Variants in SLIT2 observed in about 807,000 individuals in gnomAD.
SLIT2 encodes slit homolog 2 protein.
Under a neutral mutation model 185.7 loss-of-function variants are expected in SLIT2, and 41 were observed. The ratio of observed to expected loss-of-function variants is 0.22; its 90% CI spans 0.17 to 0.29. SLIT2 has a LOEUF of 0.29. SLIT2 is among the 10% of genes least tolerant of loss of function. The pLI is 1.00. For synonymous variants in SLIT2, 693 were observed against 680.2 expected (o/e 1.02, Z -0.29); for missense variants, 1,571 against 1,909.0 (o/e 0.82, Z 3.30).
At chr4:20,539,382 AG>A (rs35993588) in intron 18 of SLIT2, 58 bp from the exon 19 acceptor site, 454,386 of 1,521,694 alleles carry the variant, frequency 0.3, 69,378 homozygotes, top group Middle Eastern at 0.39. Flanking sequence ...ATCCTCAGAT[AG>A]GCAAAATTGA....
intron 29 of SLIT2, among the ~76,000 whole-genome samples, chr4:20,579,942 T>C (rs1320796070): frequency 1.4e-5 from 2 of 147,170 alleles, no homozygotes; most frequent in Admixed American, 6.9e-5. Context: ...ACAGGAAATG[T>C]AAATCAACTC....
At chr4:20,284,800 ATT>A (rs1221691106) in intron 4 of SLIT2, among the ~76,000 whole-genome samples, 2 of 152,204 alleles carry the variant, frequency 1.3e-5, no homozygotes, top group African/African-American at 2.4e-5. Flanking sequence ...TGTGTGAGAG[ATT>A]TTGTTTTGCT....
intron 4 of SLIT2, among the ~76,000 whole-genome samples, chr4:20,335,947 G>A (rs1471341191): frequency 6.6e-6 from 1 of 152,054 alleles, no homozygotes; most frequent in Non-Finnish European, 1.5e-5. Context: ...AATGACAACT[G>A]ATAGATGTAG....
intron 5 of SLIT2, among the ~76,000 whole-genome samples, chr4:20,475,015 A>G (rs1053215658): frequency 6.6e-6 from 1 of 151,184 alleles, no homozygotes; most frequent in African/African-American, 2.4e-5. Flanking sequence ...GGAATTACAG[A>G]CTCTTTCCTG....
intron 7 of SLIT2, among the ~76,000 whole-genome samples, chr4:20,486,731 ATCTT>A (rs1228758881): frequency 1.3e-5 from 2 of 152,162 alleles, no homozygotes; most frequent in Non-Finnish European, 2.9e-5. Context: ...ATTTAAAAAT[ATCTT>A]TCTGGGTTAC....
intron 4 of SLIT2, among the ~76,000 whole-genome samples, chr4:20,450,993 A>G (rs1374625712): frequency 1.3e-5 from 2 of 152,216 alleles, no homozygotes; most frequent in African/African-American, 2.4e-5. Flanking sequence ...ATGCAAATTC[A>G]GTCAAAGCAG....
intron 4 of SLIT2, among the ~76,000 whole-genome samples, chr4:20,464,733 G>A (rs983879108): frequency 2.0e-5 from 3 of 152,076 alleles, no homozygotes; most frequent in Non-Finnish European, 4.4e-5. Flanking sequence ...TCCATTCCCT[G>A]ATTTTTGCCG....
chr4:20,545,839 G>A (rs1460391699), intron 21 of SLIT2, among the ~76,000 whole-genome samples, 192 bp from the exon 22 acceptor site: 1 of 151,740 alleles, frequency 6.6e-6, no homozygotes, highest in Non-Finnish European at 1.5e-5. Context: ...CAAAGAACTG[G>A]ACTCGTGGAC....
intron 4 of SLIT2, among the ~76,000 whole-genome samples, chr4:20,291,478 ATATATATATATATATTTTTTTTTT>A (rs1387006780): frequency 1.0e-3 from 16 of 15,938 alleles, no homozygotes; most frequent in African/African-American, 3.9e-3. Context: ...ATATATATAT[ATATATATATATATATTTTTTTTTT>A]TTTTTTTTTT....
chr4:20,335,288 G>A (rs1040774461), intron 4 of SLIT2, among the ~76,000 whole-genome samples: 2 of 152,066 alleles, frequency 1.3e-5, no homozygotes, highest in African/African-American at 2.4e-5. Context: ...GGAGCTGCAG[G>A]GTGAAGCCAA....
intron 32 of SLIT2, among the ~76,000 whole-genome samples, chr4:20,596,962 G>C (rs958471367): frequency 1.3e-5 from 2 of 151,952 alleles, no homozygotes; most frequent in East Asian, 3.9e-4. Context: ...CTGCAGTTCA[G>C]CCTCTGCATG....
At chr4:20,463,448 G>GATAGATATATATAT (rs1459962322) in intron 4 of SLIT2, among the ~76,000 whole-genome samples, 100 of 67,216 alleles carry the variant, frequency 1.5e-3, no homozygotes, top group Middle Eastern at 9.6e-3. Flanking sequence ...CTCAAACTGT[G>GATAGATATATATAT]ATATATATAT....
Position 20,428,585 on chromosome 4 carries a change from T to G in SLIT2, c.396-39167T>G, listed in dbSNP as rs146752647. ...ACACTAAAAAGGTTGGGTTCTATAA[T>G]TTGGACTCAAAAGACCATTTCTAGG... is the stretch of plus-strand genomic sequence containing the variant. On this transcript the variant is annotated intron_variant, in intron 4 of 36. Coordinates refer to ENST00000504154, the MANE Select transcript of SLIT2 (RefSeq NM_004787.4). Among the ~76,000 whole-genome samples, 16 of 152,294 alleles carry G rather than the reference T, an allele frequency of 1.1e-4. No individual in the cohort carries two copies. In the East Asian group the frequency reaches 2.1e-3, roughly 20 times the overall value.
chr4:20,369,927 C>T (rs73238761), intron 4 of SLIT2, among the ~76,000 whole-genome samples: 52 of 152,208 alleles, frequency 3.4e-4, no homozygotes, highest in African/African-American at 1.1e-3. Flanking sequence ...CTTCTTTCCT[C>T]GAAAGACTTA....
chr4:20,318,743 C>T (rs1256174442), intron 4 of SLIT2, among the ~76,000 whole-genome samples: 2 of 152,052 alleles, frequency 1.3e-5, no homozygotes, highest in Non-Finnish European at 2.9e-5. Flanking sequence ...GAGCTTTGCT[C>T]AGTAACTTGA....
chr4:20,296,999 C>T (rs1208710750), intron 4 of SLIT2, among the ~76,000 whole-genome samples: 2 of 152,182 alleles, frequency 1.3e-5, no homozygotes, highest in Non-Finnish European at 2.9e-5. Flanking sequence ...TTGAGCTTGT[C>T]CTTGAACATG....
chr4:20,578,906 A>G (rs1174055164), intron 29 of SLIT2, among the ~76,000 whole-genome samples: 1 of 152,158 alleles, frequency 6.6e-6, no homozygotes, highest in East Asian at 1.9e-4. Context: ...TTTGATAAGC[A>G]GGCTTCCACC....
intron 15 of SLIT2, among the ~76,000 whole-genome samples, chr4:20,527,262 TAAAAG>T (rs370653575): frequency 0.018 from 2,681 of 152,264 alleles, 77 homozygotes; most frequent in South Asian, 0.13. Context: ...ATTACAGTGA[TAAAAG>T]AAAATCTGTC....
At chr4:20,551,046 A>T (rs1354130693) in intron 25 of SLIT2, 148 bp downstream of exon 25, 5 of 500,282 alleles carry the variant, frequency 1.0e-5, no homozygotes, top group Non-Finnish European at 1.8e-5. Flanking sequence ...TTCAAACTGG[A>T]TATGATGCCT....
Sources: gnomAD v4.1 joint callset for allele counts (sites outside exome capture counted in the v4.1 genomes callset) on GRCh38, gnomAD v4.1.1 for gene constraint, MANE v1.5 for transcripts, NCBI Gene and HGNC (gene_info 2026-07-23, HGNC 2026-07-21) for gene names.